TEX2: variants seen among roughly 807,000 people sequenced by gnomAD.
The protein encoded by TEX2 is testis-expressed protein 2.
A neutral mutation model predicts 106.9 loss-of-function variants in TEX2; 53 were observed. That is an observed-to-expected ratio of 0.50 (90% confidence interval 0.40 to 0.62). The LOEUF (loss-of-function observed/expected upper bound fraction) is 0.62, where lower values mean the gene tolerates loss of function less well. Ranked by LOEUF, TEX2 falls within the 20% of genes least tolerant of loss-of-function variation. TEX2 has a pLI of 0.00. For missense variants in TEX2, 1,207 were observed against 1,379.0 expected (o/e 0.88, Z 1.98); for synonymous variants, 523 against 534.8 (o/e 0.98, Z 0.30).
intron 5 of TEX2, among the ~76,000 whole-genome samples, chr17:64,178,976 C>T (rs1442345306): frequency 6.6e-6 from 1 of 152,236 alleles, no homozygotes; most frequent in Non-Finnish European, 1.5e-5. Flanking sequence ...CCAAGGTCTA[C>T]AGCACATAGC....
chr17:64,194,707 GA>G (rs1035065088), intron 3 of TEX2, among the ~76,000 whole-genome samples, 187 bp downstream of exon 3: 3 of 152,144 alleles, frequency 2.0e-5, no homozygotes, highest in African/African-American at 7.2e-5. Context: ...TACTGAATCA[GA>G]ATCTGCATTT....
rs150341293 is a variant in TEX2, at chr17:64,211,378, A to G, written c.1644+1196T>C. Among the ~76,000 whole-genome samples, 12 of 152,358 alleles carry G rather than the reference A, an allele frequency of 7.9e-5. 1 individual carries two copies. The East Asian group carries it at 2.3e-3, about 29-fold the overall frequency. ...TCCTGGATGGTTATGAAGCTGAATT[A>G]GATAACTTTTATAAAGCAGTGGTCT... is the stretch of plus-strand genomic sequence containing the variant. On this transcript the variant is annotated intron_variant, in intron 2 of 11. Coordinates refer to ENST00000584379, the MANE Select transcript of TEX2 (RefSeq NM_001288732.2).
At chr17:64,156,414 C>G (rs928273942) in intron 8 of TEX2, among the ~76,000 whole-genome samples, 1 of 152,166 alleles carries the variant, frequency 6.6e-6, no homozygotes, top group Non-Finnish European at 1.5e-5. Flanking sequence ...GAAACAAAAG[C>G]CTCTTGTCCC....
chr17:64,208,201 A>G (rs1461969791), intron 2 of TEX2, among the ~76,000 whole-genome samples: 6 of 152,180 alleles, frequency 3.9e-5, no homozygotes, highest in African/African-American at 1.4e-4. Flanking sequence ...TCAGAAAAAA[A>G]GCTTAGGAAA....
chr17:64,199,321 G>T (rs1216100683), intron 2 of TEX2, among the ~76,000 whole-genome samples: 4 of 152,096 alleles, frequency 2.6e-5, no homozygotes, highest in Non-Finnish European at 5.9e-5. Context: ...ACTGCAACCT[G>T]CACCTCCTGG....
intron 1 of TEX2, among the ~76,000 whole-genome samples, chr17:64,214,545 T>A (rs1246620978): frequency 6.6e-6 from 1 of 152,216 alleles, no homozygotes; most frequent in Admixed American, 6.5e-5. Flanking sequence ...ACCAACAATT[T>A]TCTATCTTAA....
intron 6 of TEX2, among the ~76,000 whole-genome samples, chr17:64,173,648 G>A (rs2031503031): frequency 1.3e-5 from 2 of 152,182 alleles, no homozygotes; most frequent in South Asian, 4.1e-4. Flanking sequence ...TTTTTCCAAA[G>A]CATCAATGTT....
intron 4 of TEX2, 65 bp downstream of exon 4, chr17:64,193,494 T>G: frequency 1.1e-5 from 14 of 1,244,784 alleles, no homozygotes; most frequent in Non-Finnish European, 1.4e-5. Flanking sequence ...CTACCTGGCA[T>G]TCTTTCTCTA....
At chr17:64,151,663 A>G (rs1443814639) in intron 10 of TEX2, among the ~76,000 whole-genome samples, 1 of 152,222 alleles carries the variant, frequency 6.6e-6, no homozygotes. Context: ...TAAACACTCT[A>G]TACTTATCTT....
chr17:64,154,335 C>T (rs1315090529), intron 9 of TEX2, among the ~76,000 whole-genome samples: 1 of 145,996 alleles, frequency 6.8e-6, no homozygotes. Context: ...TTGATCATTT[C>T]ACAGCCCAAG....
intron 2 of TEX2, among the ~76,000 whole-genome samples, chr17:64,211,560 T>C (rs1346719405): frequency 6.6e-6 from 1 of 152,156 alleles, no homozygotes; most frequent in Non-Finnish European, 1.5e-5. Context: ...TACAGCATAA[T>C]AACCATTCAC....
At position 64,153,227 on chromosome 17, in the gene TEX2, C is replaced by T. The variant is rs997255701; in HGVS notation, c.2931-73G>A. 9 of 1,040,746 alleles carry T rather than the reference C, an allele frequency of 8.6e-6. No homozygotes were observed. Among genetic ancestry groups the T allele is most frequent in the South Asian group, 4.5e-5 (3 of 66,838 alleles). The allele number at this position is 1,040,746 out of a possible 1,614,324, so 64.5% of individuals were successfully genotyped here. On this transcript the variant is annotated intron_variant, in intron 9 of 11. Transcript: ENST00000584379. The surrounding 1 kb of genome is among the most constrained non-coding windows in gnomAD (Gnocchi z 4.1). Reference sequence around the variant, plus strand: ...TCACAGACAAAAACCTGTGGCTCTTCGTTCCCCTTACTTTAGAGCACCACT... The same window carrying T: ...TCACAGACAAAAACCTGTGGCTCTTTGTTCCCCTTACTTTAGAGCACCACT...
At position 64,188,186 on chromosome 17, in the gene TEX2, G is replaced by C; in HGVS notation, c.2406C>G (p.Ser802Arg). The change falls in exon 5 of 12, where the codon AGC becomes AGG. Residue 802 changes from serine to arginine, a missense_variant. Ser to Arg is a moderately radical substitution (Grantham distance 110). Coordinates refer to ENST00000584379, the MANE Select transcript of TEX2 (RefSeq NM_001288732.2). ...QRSPLQSAESSPTAGKKLPEV... is the reference protein window; with the variant it reads ...QRSPLQSAESRPTAGKKLPEV... ...GCTTTACCTTCTTCCCAGCTGTGGG[G>C]CTGCTCTCCGCACTCTGCAGGGGGC... 11 of 1,609,268 alleles carry C rather than the reference G, an allele frequency of 6.8e-6. No homozygotes were observed. The highest frequency in any genetic ancestry group is 9.3e-6 in the Non-Finnish European group (11 of 1,179,764).
intron 1 of TEX2, among the ~76,000 whole-genome samples, chr17:64,228,608 G>A (rs567858209): frequency 8.6e-4 from 131 of 152,272 alleles, no homozygotes; most frequent in African/African-American, 2.9e-3. Flanking sequence ...GCAGTCATGC[G>A]AGGGATGGAA....
chr17:64,247,342 C>T (rs992702406), intron 1 of TEX2, among the ~76,000 whole-genome samples: 12 of 151,748 alleles, frequency 7.9e-5, no homozygotes, highest in African/African-American at 2.9e-4. Flanking sequence ...ATAAAAGAGG[C>T]AAACCCAAGA....
intron 1 of TEX2, among the ~76,000 whole-genome samples, chr17:64,262,457 C>G (rs2143551063): frequency 6.6e-6 from 1 of 152,368 alleles, no homozygotes; most frequent in East Asian, 1.9e-4. Flanking sequence ...ACGCTCTAGG[C>G]AGCGTGTGGT....
At chr17:64,256,122 T>A (rs2034179455) in intron 1 of TEX2, 1 of 152,242 alleles carries the variant, frequency 6.6e-6, no homozygotes, top group African/African-American at 2.4e-5. Flanking sequence ...CCTACTCAGC[T>A]GTCTTAGTTT....
chr17:64,180,930 T>G (rs189391160), intron 5 of TEX2, among the ~76,000 whole-genome samples: 1 of 152,266 alleles, frequency 6.6e-6, no homozygotes, highest in African/African-American at 2.4e-5. Flanking sequence ...CACTCCTTTT[T>G]GGCCGCACCC....
rs533511125 is a variant in TEX2 at position 64,162,360 on chromosome 17, A to G, written c.2672-1427T>C. 1.1e-4 allele frequency among the ~76,000 whole-genome samples: 17 copies of G among 152,334 alleles called. 1 individual carries two copies. In the South Asian group the frequency reaches 3.5e-3, roughly 32 times the overall value. On this transcript the variant is annotated intron_variant, in intron 7 of 11. Coordinates refer to ENST00000584379, the MANE Select transcript of TEX2 (RefSeq NM_001288732.2). ...AATAGATTTAAACTCAATGTAAAAG[A>G]ACAACAATAAAGGAGATATTTATTG... is the stretch of plus-strand genomic sequence containing the variant.
Sources: allele counts gnomAD v4.1 joint callset (sites outside exome capture counted in the v4.1 genomes callset), GRCh38; gene constraint gnomAD v4.1.1; non-coding constraint Gnocchi (gnomAD v3.1); transcripts MANE v1.5; gene names NCBI Gene and HGNC (gene_info 2026-07-23, HGNC 2026-07-21).